Variants in ADAMDEC1 observed in about 807,000 individuals in gnomAD.
ADAMDEC1 encodes the protein ADAM DEC1.
In ADAMDEC1, 62 loss-of-function variants were observed where a neutral mutation model predicts 60.4. That is an observed-to-expected ratio of 1.03 (90% CI 0.84 to 1.27). ADAMDEC1 has a LOEUF of 1.27. Ranked by LOEUF, ADAMDEC1 falls within the 50% of genes most tolerant of loss-of-function variation. The pLI is 0.00. For synonymous variants in ADAMDEC1, 210 were observed against 195.1 expected, an observed-to-expected ratio of 1.08 and a Z score of -0.64; for missense variants, 595 against 565.0, an observed-to-expected ratio of 1.05 and a Z score of -0.54.
At chr8:24,392,496 C>T in intron 2 of ADAMDEC1, 116 bp downstream of exon 2, 1 of 709,670 alleles carries the variant, frequency 1.4e-6, no homozygotes, top group South Asian at 2.2e-5. Flanking sequence ...ATATTGAAGC[C>T]CATGTATACA....
rs545038177 is a variant in ADAMDEC1 at position 24,400,047 on chromosome 8, CACAGTG to C, written c.1012-118_1012-113del. 6.7e-5 allele frequency: 50 copies of C among 747,180 alleles called. No individual in the cohort carries two copies. The African/African-American group carries it at 8.7e-4, about 13-fold the overall frequency. 46.3% of individuals were successfully genotyped at this position (747,180 alleles called of 1,614,324 possible). ...AATGCTCTTTCAACGTTTTGCAATA[CACAGTG>C]ACAGGGAAAGGAGCTAACAATTCAC... is the stretch of plus-strand genomic sequence containing the variant. On this transcript the variant is annotated intron_variant, in intron 10 of 13. Transcript: ENST00000256412.
At chr8:24,385,412 T>C (rs1293218033) in intron 1 of ADAMDEC1, among the ~76,000 whole-genome samples, 1 of 152,128 alleles carries the variant, frequency 6.6e-6, no homozygotes, top group Non-Finnish European at 1.5e-5. Context: ...ACCAATACTA[T>C]ACCCAAAAGA....
At chr8:24,398,646 C>A in intron 8 of ADAMDEC1, 95 bp downstream of exon 8, 1 of 1,060,670 alleles carries the variant, frequency 9.4e-7, no homozygotes, top group Non-Finnish European at 1.4e-6. Flanking sequence ...TAAAAAGATC[C>A]CAAATGTCTT....
At chr8:24,393,403 T>C in intron 3 of ADAMDEC1, 65 bp downstream of exon 3, 1 of 1,143,532 alleles carries the variant, frequency 8.7e-7, no homozygotes, top group South Asian at 1.4e-5. Context: ...GCAATCTTTT[T>C]GAGGCTCCAT....
rs1254248640 is a variant in ADAMDEC1, at chr8:24,401,913, A to C, written c.1143-2A>C. The C allele has an allele frequency of 6.2e-7, 1 of 1,605,444 alleles. No homozygotes were observed. Among genetic ancestry groups the C allele is most frequent in the Non-Finnish European group, 8.5e-7 (1 of 1,177,506 alleles). ...ATTATTTGAGTTTTCTTCTGATTACAGTTCAAAATTCCCAAAGGATTTCAG... is the reference window on the plus strand; with the variant it reads ...ATTATTTGAGTTTTCTTCTGATTACCGTTCAAAATTCCCAAAGGATTTCAG... On this transcript the variant is annotated splice_acceptor_variant, in intron 11 of 13. Coordinates refer to ENST00000256412, the MANE Select transcript of ADAMDEC1 (RefSeq NM_014479.3). LOFTEE classifies it high-confidence loss of function.
Position 24,397,429 on chromosome 8 carries a change from AATCTCTAG to A in ADAMDEC1, c.604_611del (p.Ser202ThrfsTer17), listed in dbSNP as rs772116516. ...CTGACGGGAAACAAGGCCCAATTCGAATCTCTAGATCACTCAAAAGCCCAGAGGTGAAT... is the reference window on the plus strand; with the variant it reads ...CTGACGGGAAACAAGGCCCAATTCGAATCACTCAAAAGCCCAGAGGTGAAT... On this transcript the variant is annotated frameshift_variant, in exon 6 of 14. Transcript: ENST00000256412. LOFTEE classifies it high-confidence loss of function. The A allele has an allele frequency of 5.4e-5, 87 of 1,613,802 alleles. No individual in the cohort carries two copies. Among genetic ancestry groups the A allele is most frequent in the Non-Finnish European group, 7.2e-5 (85 of 1,179,906 alleles).
At position 24,405,336 on chromosome 8, in the gene ADAMDEC1, G is replaced by C. The variant is rs1472294192; in HGVS notation, c.*38G>C. 2 of 1,609,496 alleles carry C rather than the reference G, an allele frequency of 1.2e-6. No individual in the cohort carries two copies. Among genetic ancestry groups the C allele is most frequent in the Non-Finnish European group, 1.7e-6 (2 of 1,177,452 alleles). On this transcript the variant is annotated 3_prime_UTR_variant, in exon 14 of 14. Coordinates refer to ENST00000256412, the MANE Select transcript of ADAMDEC1 (RefSeq NM_014479.3). ...GCTTCACTGAGATGCTACCTTGCCA[G>C]GACAAGAACCAAGAACTCTAACTGT... is the stretch of plus-strand genomic sequence containing the variant.
At chr8:24,399,371 G>A in intron 9 of ADAMDEC1, 22 bp from the exon 10 acceptor site, 1 of 1,605,170 alleles carries the variant, frequency 6.2e-7, no homozygotes. Flanking sequence ...TGTGACAGTA[G>A]TATCTGTAAC....
chr8:24,390,706 C>T (rs1228602346), intron 1 of ADAMDEC1, among the ~76,000 whole-genome samples: 5 of 142,584 alleles, frequency 3.5e-5, no homozygotes, highest in East Asian at 2.1e-4. Context: ...GGTGACAGAG[C>T]GAGACTCTGT....
rs1436921035 is a variant in ADAMDEC1, at chr8:24,405,405, G to C, written c.*107G>C. 7.9e-7 allele frequency: 1 copy of C among 1,271,252 alleles called. No homozygotes were observed. The highest frequency in any genetic ancestry group is 1.1e-6 in the Non-Finnish European group (1 of 888,500). 78.7% of individuals were successfully genotyped at this position (1,271,252 alleles called of 1,614,324 possible). ...TTTCACCCATAATGGTCTTTCACTT[G>C]TCATTCTACTTTCTATATTGTTATC... On this transcript the variant is annotated 3_prime_UTR_variant, in exon 14 of 14. Transcript: ENST00000256412.
intron 11 of ADAMDEC1, 127 bp from the exon 12 acceptor site, chr8:24,401,788 A>C (rs62499988): frequency 7.3e-4 from 611 of 836,900 alleles, no homozygotes; most frequent in Non-Finnish European, 1.0e-3. Context: ...CAAATTTGGA[A>C]TTTCCATTGA....
intron 5 of ADAMDEC1, among the ~76,000 whole-genome samples, chr8:24,396,516 C>CA (rs930315393): frequency 3.7e-4 from 55 of 149,060 alleles, no homozygotes; most frequent in African/African-American, 1.1e-3. Flanking sequence ...CGTCTCAAAA[C>CA]AAAAAAAAAG....
chr8:24,388,842 C>T (rs546559666), intron 1 of ADAMDEC1, among the ~76,000 whole-genome samples: 1 of 152,272 alleles, frequency 6.6e-6, no homozygotes, highest in African/African-American at 2.4e-5. Flanking sequence ...AAGAAAGAGG[C>T]TAAAAGATCC....
chr8:24,384,640 T>C (rs370569156), intron 1 of ADAMDEC1, 48 bp downstream of exon 1: 3 of 1,529,410 alleles, frequency 2.0e-6, no homozygotes, highest in Non-Finnish European at 2.7e-6. Context: ...AATTATTTGA[T>C]GAATGTTTAA....
At chr8:24,384,706 T>G in intron 1 of ADAMDEC1, 114 bp downstream of exon 1, 1 of 962,712 alleles carries the variant, frequency 1.0e-6, no homozygotes, top group Non-Finnish European at 1.5e-6. Flanking sequence ...CCATTACCAT[T>G]TGCATTTTGG....
At chr8:24,397,828 T>G (rs1032444398) in intron 7 of ADAMDEC1, 83 bp downstream of exon 7, 174 of 1,331,538 alleles carry the variant, frequency 1.3e-4, no homozygotes, top group Non-Finnish European at 1.7e-4. Context: ...CAATAAACTA[T>G]TTTAGCTAAT....
rs372619362 is a variant in ADAMDEC1, at chr8:24,400,201, G to C, written c.1043G>C (p.Gly348Ala). 1.2e-5 allele frequency: 19 copies of C among 1,605,184 alleles called. No individual in the cohort carries two copies. The highest frequency in any genetic ancestry group is 1.5e-5 in the Non-Finnish European group (18 of 1,176,072). Residue 348 changes from glycine to alanine, a missense_variant, in exon 11 of 14, where the codon GGA becomes GCA. Coordinates refer to ENST00000256412, the MANE Select transcript of ADAMDEC1 (RefSeq NM_014479.3). The part of the protein sequence containing the change: ...AKKKNNVALV[G>A]VMSHELGHVL... Reference sequence around the variant, plus strand: ...AAAAAGAATAATGTGGCTCTTGTAGGAGTGATGTCACATGAGCTGGGCCAT... The same window carrying C: ...AAAAAGAATAATGTGGCTCTTGTAGCAGTGATGTCACATGAGCTGGGCCAT...
intron 1 of ADAMDEC1, among the ~76,000 whole-genome samples, chr8:24,391,325 A>C (rs1817439625): frequency 6.6e-6 from 1 of 152,194 alleles, no homozygotes; most frequent in Admixed American, 6.5e-5. Flanking sequence ...TGAATAATTA[A>C]AAGAAAAAAT....
At position 24,400,229 on chromosome 8, in the gene ADAMDEC1, C is replaced by T; in HGVS notation, c.1071C>T (p.Val357=). The T allele has an allele frequency of 1.2e-6, 2 of 1,611,900 alleles. No homozygotes were observed. Among genetic ancestry groups the T allele is most frequent in the South Asian group, 1.1e-5 (1 of 90,774 alleles). The change falls in exon 11 of 14, where the codon GTC becomes GTT. Residue 357 remains valine, a synonymous_variant. Transcript: ENST00000256412. ...VGVMSHELGH[V]LGMPDVPFNT... ...TGATGTCACATGAGCTGGGCCATGT[C>T]CTTGGTATGCCTGATGTTCCATTCA...
Sources: gnomAD v4.1 joint callset for allele counts (sites outside exome capture counted in the v4.1 genomes callset) on GRCh38, gnomAD v4.1.1 for gene constraint, MANE v1.5 for transcripts, NCBI Gene and HGNC (gene_info 2026-07-23, HGNC 2026-07-21) for gene names.